The following FHIT variants were observed in gnomAD, a reference collection of about 807,000 sequenced individuals.
FHIT encodes bis(5'-adenosyl)-triphosphatase.
FHIT carries 19 observed loss-of-function variants against 17.9 expected under a neutral mutation model. The observed-to-expected ratio is 1.06, with a 90% CI of 0.74 to 1.56. The LOEUF (loss-of-function observed/expected upper bound fraction) is 1.56. Ranked by LOEUF, FHIT falls within the 40% of genes most tolerant of loss-of-function variation. The pLI, the probability that FHIT is intolerant of heterozygous loss-of-function variation, is 0.00. For missense variants in FHIT, 248 were observed against 189.2 expected (o/e 1.31, Z -1.82); for synonymous variants, 81 against 69.7 (o/e 1.16, Z -0.81).
chr3:60,014,138 G>A lies in FHIT; in HGVS notation c.118C>T (p.Pro40Ser), dbSNP rs765467911. The A allele has an allele frequency of 1.2e-6, 2 of 1,614,026 alleles. No homozygotes were observed. The highest frequency in any genetic ancestry group is 1.7e-5 in the Admixed American group (1 of 60,016). Residue 40 changes from proline (P) to serine (S), a missense_variant, in exon 6 of 10, where the codon CCG becomes TCG. Physicochemically the swap from Pro to Ser is moderately conservative, Grantham distance 74. Coordinates refer to ENST00000492590, the MANE Select transcript of FHIT (RefSeq NM_002012.4). ...PVVPGHVLVC[P>S]LRPVERFHDL... The stretch of plus-strand genomic sequence containing the variant: ...TGGAAGCGCTCCACTGGCCGCAGCG[G>A]GCACACAAGGACATCTGTAGCAAGG...
intron 8 of FHIT, among the ~76,000 whole-genome samples, chr3:59,843,259 T>C (rs980229517): frequency 6.6e-6 from 1 of 152,196 alleles, no homozygotes; most frequent in Non-Finnish European, 1.5e-5. Context: ...CTCTATCCTC[T>C]ATTCTATTCC....
chr3:60,919,358 T>G (rs1386555538), intron 3 of FHIT, among the ~76,000 whole-genome samples: 1 of 152,072 alleles, frequency 6.6e-6, no homozygotes, highest in Admixed American at 6.6e-5. Flanking sequence ...AAATACAACT[T>G]TATACTATAT....
At chr3:60,506,179 T>G (rs756317292) in intron 5 of FHIT, among the ~76,000 whole-genome samples, 1 of 152,190 alleles carries the variant, frequency 6.6e-6, no homozygotes, top group Non-Finnish European at 1.5e-5. Context: ...TTTTATATGG[T>G]AGGCACTAAT....
chr3:59,945,633 C>A (rs2107284954), intron 7 of FHIT, among the ~76,000 whole-genome samples: 1 of 151,350 alleles, frequency 6.6e-6, no homozygotes, highest in Non-Finnish European at 1.5e-5. Context: ...AAGTTATCTT[C>A]CAGAGTTTTT....
At chr3:60,478,492 C>T (rs996984108) in intron 5 of FHIT, among the ~76,000 whole-genome samples, 8 of 152,134 alleles carry the variant, frequency 5.3e-5, no homozygotes, top group Non-Finnish European at 1.0e-4. Context: ...GTGCCTCTTG[C>T]GGCAAAGAAA....
chr3:60,481,999 A>G (rs1436120079), intron 5 of FHIT, among the ~76,000 whole-genome samples: 2 of 152,200 alleles, frequency 1.3e-5, no homozygotes, highest in Non-Finnish European at 2.9e-5. Flanking sequence ...AGCAAATAGA[A>G]AGCAAAAGAA....
intron 5 of FHIT, among the ~76,000 whole-genome samples, chr3:60,225,043 G>C (rs1222267091): frequency 3.3e-5 from 5 of 152,080 alleles, no homozygotes; most frequent in Non-Finnish European, 7.4e-5. Flanking sequence ...TTTTAAATCA[G>C]TACTGGAGTA....
At chr3:60,258,945 AGAAGGG>A (rs147137476) in intron 5 of FHIT, among the ~76,000 whole-genome samples, 7 of 151,420 alleles carry the variant, frequency 4.6e-5, no homozygotes, top group South Asian at 2.1e-4. Context: ...GGGTCTTATG[AGAAGGG>A]GAAGGGGAAG....
intron 5 of FHIT, among the ~76,000 whole-genome samples, chr3:60,421,966 G>C (rs1346889139): frequency 6.6e-6 from 1 of 152,126 alleles, no homozygotes; most frequent in Admixed American, 6.6e-5. Context: ...TAGAGGCAAA[G>C]GTAAAAGATT....
At chr3:61,129,394 A>G (rs2036702458) in intron 2 of FHIT, among the ~76,000 whole-genome samples, 1 of 152,184 alleles carries the variant, frequency 6.6e-6, no homozygotes, top group Non-Finnish European at 1.5e-5. Flanking sequence ...AGAGTGTGCA[A>G]CTGCTTGGTG....
chr3:60,031,816 T>C (rs1220349442), intron 5 of FHIT, among the ~76,000 whole-genome samples: 1 of 152,032 alleles, frequency 6.6e-6, no homozygotes, highest in Non-Finnish European at 1.5e-5. Flanking sequence ...CACATGAACA[T>C]GAATGAAAAA....
At chr3:60,079,413 G>C (rs1703177362) in intron 5 of FHIT, among the ~76,000 whole-genome samples, 1 of 152,040 alleles carries the variant, frequency 6.6e-6, no homozygotes. Flanking sequence ...CTTGAGAAGA[G>C]GGGTTATTTT....
intron 5 of FHIT, among the ~76,000 whole-genome samples, chr3:60,251,575 G>A (rs71313760): frequency 0.09 from 13,628 of 152,174 alleles, 816 homozygotes; most frequent in South Asian, 0.16. Flanking sequence ...GTGTTGAAAA[G>A]TATCTTTGGG....
intron 8 of FHIT, among the ~76,000 whole-genome samples, chr3:59,917,350 A>T (rs375234603): frequency 6.0e-4 from 92 of 152,304 alleles, no homozygotes; most frequent in Middle Eastern, 3.4e-3. Flanking sequence ...ACCCATAAGC[A>T]TTTGATGAAT....
intron 5 of FHIT, among the ~76,000 whole-genome samples, chr3:60,450,088 G>A (rs2734381): frequency 0.49 from 73,456 of 150,952 alleles, 20,083 homozygotes; most frequent in African/African-American, 0.74. Context: ...TGAAGCTTAC[G>A]GGACTAGAAA....
intron 5 of FHIT, among the ~76,000 whole-genome samples, chr3:60,014,390 G>T (rs973794629): frequency 6.6e-6 from 1 of 152,202 alleles, no homozygotes; most frequent in African/African-American, 2.4e-5. Context: ...TCTTGCAAAA[G>T]AAAGGGACAT....
At chr3:60,246,595 G>T (rs1437476468) in intron 5 of FHIT, among the ~76,000 whole-genome samples, 2 of 152,102 alleles carry the variant, frequency 1.3e-5, no homozygotes, top group African/African-American at 2.4e-5. Context: ...CCGACCTGCA[G>T]AACAAATTTT....
intron 5 of FHIT, among the ~76,000 whole-genome samples, chr3:60,212,442 G>A (rs1266258323): frequency 2.0e-5 from 3 of 152,136 alleles, no homozygotes; most frequent in African/African-American, 7.2e-5. Flanking sequence ...AGCACCAGAA[G>A]ACTCCCTTGT....
At chr3:60,574,461 C>G (rs1412122680) in intron 4 of FHIT, among the ~76,000 whole-genome samples, 2 of 151,332 alleles carry the variant, frequency 1.3e-5, no homozygotes, top group African/African-American at 4.9e-5. Context: ...AGTGTGGTAC[C>G]TGGTGATGGG....
Sources: allele counts gnomAD v4.1 joint callset (sites outside exome capture counted in the v4.1 genomes callset), GRCh38; gene constraint gnomAD v4.1.1; transcripts MANE v1.5; gene names NCBI Gene and HGNC (gene_info 2026-07-23, HGNC 2026-07-21).